RIC8B: variants seen among roughly 807,000 people sequenced by gnomAD.
RIC8B encodes RIC8 guanine nucleotide exchange factor B.
In RIC8B, 16 loss-of-function variants were observed where a neutral mutation model predicts 57.5. That is an observed-to-expected ratio of 0.28 (90% CI 0.19 to 0.42). The LOEUF (loss-of-function observed/expected upper bound fraction) is 0.42. RIC8B is among the 10% of genes least tolerant of loss of function. The pLI is 1.00. For missense variants in RIC8B, 481 were observed against 677.0 expected (o/e 0.71, Z 3.21); for synonymous variants, 216 against 250.8 (o/e 0.86, Z 1.31).
chr12:106,854,319 A>G (rs548735848), intron 7 of RIC8B, among the ~76,000 whole-genome samples: 8 of 152,212 alleles, frequency 5.3e-5, no homozygotes, highest in Admixed American at 2.6e-4. Flanking sequence ...CTATTAAAAT[A>G]AAATAAAATA....
At chr12:106,780,492 A>C (rs1294912727) in intron 1 of RIC8B, among the ~76,000 whole-genome samples, 1 of 152,218 alleles carries the variant, frequency 6.6e-6, no homozygotes, top group Non-Finnish European at 1.5e-5. Context: ...TCTACATTTG[A>C]ATAGAGTATG....
At chr12:106,851,660 A>G in intron 7 of RIC8B, 66 bp downstream of exon 7, 1 of 1,383,010 alleles carries the variant, frequency 7.2e-7, no homozygotes, top group East Asian at 2.3e-5. Flanking sequence ...TTTAATTGAT[A>G]GTGTTAGTAC....
chr12:106,776,600 C>G (rs1479788172), intron 1 of RIC8B, among the ~76,000 whole-genome samples: 1 of 152,188 alleles, frequency 6.6e-6, no homozygotes, highest in Non-Finnish European at 1.5e-5. Flanking sequence ...TCCAGATTTG[C>G]TTCCTCCAAT....
At chr12:106,820,947 C>T (rs1032769044) in intron 3 of RIC8B, among the ~76,000 whole-genome samples, 3 of 152,160 alleles carry the variant, frequency 2.0e-5, no homozygotes, top group African/African-American at 7.2e-5. Context: ...CTTCCTTTGC[C>T]CTTCATCCTT....
At chr12:106,830,616 T>C (rs1427070853) in intron 4 of RIC8B, among the ~76,000 whole-genome samples, 1 of 152,242 alleles carries the variant, frequency 6.6e-6, no homozygotes, top group African/African-American at 2.4e-5. Context: ...GCTGACTCTC[T>C]GTAAATGACA....
At chr12:106,789,524 C>G (rs956328636) in intron 2 of RIC8B, among the ~76,000 whole-genome samples, 5 of 152,044 alleles carry the variant, frequency 3.3e-5, no homozygotes, top group Admixed American at 2.0e-4. Context: ...CTGGGGAGGC[C>G]TCAAAATTAT....
chr12:106,876,563 T>C (rs1402446285), intron 9 of RIC8B, among the ~76,000 whole-genome samples: 1 of 152,118 alleles, frequency 6.6e-6, no homozygotes, highest in East Asian at 1.9e-4. Context: ...GAGGATTAAC[T>C]TGAGAAGCTT....
At chr12:106,863,836 AAG>A (rs1168988693) in intron 8 of RIC8B, among the ~76,000 whole-genome samples, 1 of 152,088 alleles carries the variant, frequency 6.6e-6, no homozygotes, top group Non-Finnish European at 1.5e-5. Flanking sequence ...CCTTTATGTC[AAG>A]GTTATTACTC....
chr12:106,817,750 G>A (rs956381982), intron 3 of RIC8B, among the ~76,000 whole-genome samples: 3 of 151,418 alleles, frequency 2.0e-5, no homozygotes, highest in Admixed American at 6.6e-5. Flanking sequence ...GCATGAACCC[G>A]GGAGGCGGAG....
intron 6 of RIC8B, among the ~76,000 whole-genome samples, chr12:106,845,291 C>T (rs1171508060): frequency 1.3e-5 from 2 of 151,850 alleles, no homozygotes; most frequent in South Asian, 2.1e-4. Flanking sequence ...CAGCCCCAAC[C>T]GGTTCCTTAG....
chr12:106,882,643 T>TC (rs376531965), intron 9 of RIC8B, among the ~76,000 whole-genome samples: 108 of 152,244 alleles, frequency 7.1e-4, no homozygotes, highest in African/African-American at 2.3e-3. Flanking sequence ...CAGACAGACT[T>TC]CCTGACTCCA....
intron 6 of RIC8B, among the ~76,000 whole-genome samples, chr12:106,848,685 C>G (rs1433905943): frequency 6.6e-6 from 1 of 151,940 alleles, no homozygotes; most frequent in East Asian, 1.9e-4. Flanking sequence ...TTGTACCAAG[C>G]AATTGGGAGA....
chr12:106,794,619 C>G (rs1046459850), intron 2 of RIC8B, among the ~76,000 whole-genome samples: 7 of 152,038 alleles, frequency 4.6e-5, no homozygotes, highest in African/African-American at 1.4e-4. Context: ...AGTGGGATAA[C>G]ATATTGGAAG....
intron 2 of RIC8B, among the ~76,000 whole-genome samples, chr12:106,805,250 A>G (rs1249262121): frequency 6.6e-6 from 1 of 152,180 alleles, no homozygotes; most frequent in Non-Finnish European, 1.5e-5. Flanking sequence ...ACCAAGTTAT[A>G]CAAGTTAGAA....
chr12:106,849,430 G>A (rs778989378), intron 6 of RIC8B, among the ~76,000 whole-genome samples: 42 of 150,242 alleles, frequency 2.8e-4, no homozygotes, highest in Non-Finnish European at 5.8e-4. Context: ...TGGGATTACA[G>A]GTGTGAGCTA....
intron 2 of RIC8B, among the ~76,000 whole-genome samples, chr12:106,789,147 T>G (rs1314237729): frequency 6.6e-6 from 1 of 152,244 alleles, no homozygotes; most frequent in Non-Finnish European, 1.5e-5. Context: ...CCAGTCCCTT[T>G]GCTAAAACAT....
chr12:106,877,238 AGGTATTTTTTTAAG>A (rs2136643494), intron 9 of RIC8B, among the ~76,000 whole-genome samples: 1 of 152,286 alleles, frequency 6.6e-6, no homozygotes, highest in Non-Finnish European at 1.5e-5. Context: ...AAATAGCGTC[AGGTATTTTTTTAAG>A]GATTAAATGC....
At chr12:106,847,283 C>T (rs1350150694) in intron 6 of RIC8B, among the ~76,000 whole-genome samples, 1 of 152,038 alleles carries the variant, frequency 6.6e-6, no homozygotes, top group Non-Finnish European at 1.5e-5. Flanking sequence ...TGGTATATAA[C>T]AATAACAACA....
At chr12:106,851,018 T>C (rs1949447002) in intron 6 of RIC8B, among the ~76,000 whole-genome samples, 1 of 152,144 alleles carries the variant, frequency 6.6e-6, no homozygotes, top group African/African-American at 2.4e-5. Flanking sequence ...GGATAAGGTA[T>C]ACTCAACCTA....
Sources: allele counts gnomAD v4.1 joint callset (sites outside exome capture counted in the v4.1 genomes callset), GRCh38; gene constraint gnomAD v4.1.1; transcripts MANE v1.5; gene names NCBI Gene and HGNC (gene_info 2026-07-23, HGNC 2026-07-21).